PDE1A: variants seen among roughly 807,000 people sequenced by gnomAD.
PDE1A encodes the protein dual specificity calcium/calmodulin-dependent 3',5'-cyclic nucleotide phosphodiesterase 1A.
PDE1A carries 35 observed loss-of-function variants against 61.7 expected under a neutral mutation model. The ratio of observed to expected loss-of-function variants is 0.57; its 90% CI spans 0.43 to 0.75. The LOEUF is 0.75. Among genes scored for constraint, PDE1A ranks in the 30% least tolerant of loss-of-function variants. The pLI is 0.00. For missense variants in PDE1A, 597 were observed against 630.6 expected (o/e 0.95, Z 0.57); for synonymous variants, 232 against 213.2 (o/e 1.09, Z -0.77).
chr2:182,493,289 T>A (rs184896761), intron 2 of PDE1A, among the ~76,000 whole-genome samples: 56 of 151,956 alleles, frequency 3.7e-4, no homozygotes, highest in East Asian at 5.8e-4. Context: ...TGGTCTTTTT[T>A]TATATATATA....
chr2:182,472,744 C>T (rs1039767048), intron 2 of PDE1A, among the ~76,000 whole-genome samples: 7 of 149,558 alleles, frequency 4.7e-5, no homozygotes, highest in Non-Finnish European at 7.4e-5. Context: ...TCAACTCTAG[C>T]TCAACTGCTA....
chr2:182,154,460 A>G (rs772961545), intron 13 of PDE1A, among the ~76,000 whole-genome samples: 3 of 152,176 alleles, frequency 2.0e-5, no homozygotes, highest in Non-Finnish European at 2.9e-5. Flanking sequence ...GTCCCCACCC[A>G]TATCTCACCT....
At chr2:182,662,981 C>T in the PDE1A span, among the ~76,000 whole-genome samples, 8 of 152,064 alleles carry the variant, frequency 5.3e-5, no homozygotes, top group South Asian at 1.7e-3. Context: ...AACAAATTGA[C>T]AAGAGAAAAA....
At chr2:182,166,060 T>C (rs1384919895), downstream of PDE1A, among the ~76,000 whole-genome samples, 1 of 152,154 alleles carries the variant, frequency 6.6e-6, no homozygotes, top group African/African-American at 2.4e-5. Context: ...GACCTTTTTA[T>C]AGTCTTCATC....
chr2:182,672,998 T>C, the PDE1A span, among the ~76,000 whole-genome samples: 1 of 152,226 alleles, frequency 6.6e-6, no homozygotes, highest in African/African-American at 2.4e-5. Flanking sequence ...GGCATTCTGC[T>C]ACTCACGTCA....
At chr2:182,392,934 G>A (rs922303851) in intron 1 of PDE1A, among the ~76,000 whole-genome samples, 3 of 152,264 alleles carry the variant, frequency 2.0e-5, no homozygotes, top group Non-Finnish European at 2.9e-5. Flanking sequence ...AGCTAGTGTT[G>A]TGTCTGTGGC....
intron 3 of PDE1A, among the ~76,000 whole-genome samples, chr2:182,235,215 C>T (rs1041604894): frequency 6.6e-6 from 1 of 152,132 alleles, no homozygotes; most frequent in Non-Finnish European, 1.5e-5. Context: ...GTGATCTGTG[C>T]TCAATGCAAG....
intron 2 of PDE1A, among the ~76,000 whole-genome samples, chr2:182,263,707 A>G (rs1487395180): frequency 6.6e-6 from 1 of 152,332 alleles, no homozygotes; most frequent in East Asian, 1.9e-4. Flanking sequence ...AATATCCTCC[A>G]GGGGGTGAAC....
intron 1 of PDE1A, among the ~76,000 whole-genome samples, chr2:182,416,145 T>C (rs570098304): frequency 3.9e-4 from 59 of 152,308 alleles, no homozygotes; most frequent in Middle Eastern, 6.8e-3. Context: ...GTATAACAGA[T>C]GTATAAAATT....
chr2:182,147,749 C>T (rs895738226), intron 13 of PDE1A, among the ~76,000 whole-genome samples: 1 of 152,140 alleles, frequency 6.6e-6, no homozygotes, highest in Non-Finnish European at 1.5e-5. Context: ...ATGAAAGAGT[C>T]TTATTACATA....
At chr2:182,501,881 T>G (rs1227860048) in intron 2 of PDE1A, among the ~76,000 whole-genome samples, 1 of 152,182 alleles carries the variant, frequency 6.6e-6, no homozygotes, top group Admixed American at 6.5e-5. Context: ...TCCATCACAC[T>G]TATGTTTTCT....
intron 1 of PDE1A, among the ~76,000 whole-genome samples, chr2:182,293,590 C>T (rs555243569): frequency 1.3e-5 from 2 of 152,156 alleles, no homozygotes; most frequent in South Asian, 2.1e-4. Context: ...TCCCCTCATT[C>T]GTGGGGAATG....
At chr2:182,484,420 A>T (rs1687886798) in intron 2 of PDE1A, among the ~76,000 whole-genome samples, 1 of 152,020 alleles carries the variant, frequency 6.6e-6, no homozygotes, top group Admixed American at 6.6e-5. Flanking sequence ...TCTGGAAGAT[A>T]ATCTAGGCAA....
At chr2:182,327,435 A>T (rs1330663576) in intron 1 of PDE1A, among the ~76,000 whole-genome samples, 1 of 152,182 alleles carries the variant, frequency 6.6e-6, no homozygotes, top group Non-Finnish European at 1.5e-5. Flanking sequence ...TTCAGGGAAA[A>T]GTAAAGAGGT....
chr2:182,240,317 C>A, intron 2 of PDE1A, 25 bp from the exon 3 acceptor site: 1 of 1,434,838 alleles, frequency 7.0e-7, no homozygotes. Context: ...ACAGATTAAA[C>A]TTTTTTATAA....
At chr2:182,635,730 AAG>A in the PDE1A span, among the ~76,000 whole-genome samples, 2 of 149,280 alleles carry the variant, frequency 1.3e-5, no homozygotes, top group East Asian at 3.9e-4. Context: ...TTTAACTTCA[AAG>A]AGTGTCCTTC....
rs371846119 is a variant in PDE1A at position 182,186,493 on chromosome 2, C to T, written c.1303G>A (p.Glu435Lys). Residue 435 changes from glutamate (E) to lysine (K), a missense_variant, in exon 12 of 14, where the codon GAA (glutamate) becomes AAA (lysine). Physicochemically the swap from Glu to Lys is moderately conservative, Grantham distance 56 (BLOSUM62 1). Transcript: ENST00000351439. ...CTGCTTGCCACATAGGAAGAAGTTT[C>T]GGCTTTTGAGGCTTCCTCTATAAGA... The T allele has an allele frequency of 1.5e-5, 24 of 1,612,446 alleles. No homozygotes were observed. The Middle Eastern group carries it at 4.9e-4, about 33-fold the overall frequency.
the PDE1A span, among the ~76,000 whole-genome samples, chr2:182,676,714 C>T: frequency 3.9e-5 from 6 of 152,114 alleles, no homozygotes; most frequent in Non-Finnish European, 7.3e-5. Flanking sequence ...AGTTAATCCA[C>T]CATGAGCAAG....
intron 2 of PDE1A, among the ~76,000 whole-genome samples, chr2:182,246,769 A>G (rs995315927): frequency 6.6e-5 from 10 of 152,020 alleles, no homozygotes; most frequent in Non-Finnish European, 1.3e-4. Context: ...CCATATGTCC[A>G]CTGGTTGGTT....
Sources: gnomAD v4.1 joint callset for allele counts (sites outside exome capture counted in the v4.1 genomes callset) on GRCh38, gnomAD v4.1.1 for gene constraint, MANE v1.5 for transcripts, NCBI Gene and HGNC (gene_info 2026-07-23, HGNC 2026-07-21) for gene names.